The following TMEM131L variants were observed in gnomAD, a reference collection of about 807,000 sequenced individuals.
The protein encoded by TMEM131L is transmembrane 131 like, also known as transmembrane protein 131-like.
A neutral mutation model predicts 192.2 loss-of-function variants in TMEM131L; 54 were observed. The observed-to-expected ratio is 0.28, with a 90% CI of 0.23 to 0.35. The LOEUF (loss-of-function observed/expected upper bound fraction) is 0.35. Ranked by LOEUF, TMEM131L falls within the 10% of genes least tolerant of loss-of-function variation. The pLI is 1.00. For synonymous variants in TMEM131L, 701 were observed against 704.9 expected (o/e 0.99, Z 0.09); for missense variants, 1,888 against 1,972.9 (o/e 0.96, Z 0.82).
rs747565824 is a variant in TMEM131L at position 153,557,067 on chromosome 4, A to C, written c.534A>C (p.Gly178=). Residue 178 remains glycine, a synonymous_variant, in exon 6 of 35, where the codon GGA becomes GGC. Coordinates refer to ENST00000409959, the MANE Select transcript of TMEM131L (RefSeq NM_001131007.2). The stretch of plus-strand genomic sequence containing the variant: ...TATTTATTAATACCTCTTCGTATGG[A>C]GTCCTTTCCTATCATGTGAGTAACT... ...SSLFINTSSY[G]VLSYHVSGIG... 2.7e-6 allele frequency: 4 copies of C among 1,496,834 alleles called. No homozygotes were observed. In the Admixed American group the frequency reaches 6.7e-5, roughly 25 times the overall value. 92.7% of individuals were successfully genotyped at this position (1,496,834 alleles called of 1,614,324 possible). A position where few individuals can be genotyped will look rare whatever the true frequency, so the allele number is the denominator to read the frequency against.
At chr4:153,550,475 C>A (rs7659667) in intron 4 of TMEM131L, among the ~76,000 whole-genome samples, 27,915 of 151,852 alleles carry the variant, frequency 0.18, 2,690 homozygotes, top group African/African-American at 0.21. Context: ...TACAGGCACC[C>A]GCCACCACGC....
Position 153,635,541 on chromosome 4 carries a change from C to CT in TMEM131L, c.4528dup (p.Trp1510LeufsTer38). The CT allele has an allele frequency of 6.2e-7, 1 of 1,614,190 alleles. No homozygotes were observed. The highest frequency in any genetic ancestry group is 8.5e-7 in the Non-Finnish European group (1 of 1,180,026). On this transcript the variant is annotated frameshift_variant, in exon 34 of 35. Coordinates refer to ENST00000409959, the MANE Select transcript of TMEM131L (RefSeq NM_001131007.2). LOFTEE classifies it high-confidence loss of function. ...ACACCCCACCCAACATGCCTGCTGC[C>CT]TGGGGACATGCCAGTTTCATCAGCT...
chr4:153,516,697 T>G (rs1031480494), intron 3 of TMEM131L, among the ~76,000 whole-genome samples: 2 of 152,216 alleles, frequency 1.3e-5, no homozygotes, highest in Non-Finnish European at 2.9e-5. Context: ...AAAAATATTC[T>G]GTACTTGCCC....
At chr4:153,632,574 C>A in intron 31 of TMEM131L, 144 bp from the exon 32 acceptor site, 2 of 820,756 alleles carry the variant, frequency 2.4e-6, no homozygotes, top group Non-Finnish European at 3.8e-6. Flanking sequence ...AGAATTATAT[C>A]CTGAAATTAT....
At chr4:153,468,000 A>G (rs1277301939) in intron 2 of TMEM131L, among the ~76,000 whole-genome samples, 2 of 152,204 alleles carry the variant, frequency 1.3e-5, no homozygotes, top group African/African-American at 2.4e-5. Context: ...CAGTAACGGT[A>G]GTGATCCAAA....
intron 16 of TMEM131L, among the ~76,000 whole-genome samples, chr4:153,590,601 A>G (rs1232766824): frequency 1.3e-5 from 2 of 152,204 alleles, no homozygotes; most frequent in Admixed American, 6.5e-5. Flanking sequence ...GCCAGAATCA[A>G]TTGTTAGACT....
At position 153,598,612 on chromosome 4, in the gene TMEM131L, A is replaced by G. The variant is rs72729691; in HGVS notation, c.2146A>G (p.Met716Val). 9.2e-3 allele frequency: 14,789 copies of G among 1,613,786 alleles called. 102 individuals carry two copies. The highest frequency in any genetic ancestry group is 0.01 in the Non-Finnish European group (12,377 of 1,179,714). The change falls in exon 21 of 35, where the codon ATG becomes GTG. Residue 716 changes from methionine (M) to valine (V), a missense_variant. Physicochemically the swap from Met to Val is conservative, Grantham distance 21. Transcript: ENST00000409959. ...LIRNNLTVID[M>V]IGVEGFGARE... ...CAGGAATAACTTGACTGTTATTGAC[A>G]TGATTGGCGTGGAAGGATTTGGAGC...
At chr4:153,504,275 T>G (rs1366305105) in intron 3 of TMEM131L, among the ~76,000 whole-genome samples, 2 of 101,242 alleles carry the variant, frequency 2.0e-5, no homozygotes, top group African/African-American at 7.8e-5. Context: ...CCTTTTTTTT[T>G]TTTTTTTTTT....
chr4:153,621,627 C>T, intron 27 of TMEM131L, 56 bp from the exon 28 acceptor site: 1 of 1,563,344 alleles, frequency 6.4e-7, no homozygotes. Context: ...AGGAAGTCTG[C>T]ATGTGTACAT....
chr4:153,503,638 G>T (rs929508056), intron 3 of TMEM131L, among the ~76,000 whole-genome samples: 5 of 152,274 alleles, frequency 3.3e-5, no homozygotes, highest in African/African-American at 1.2e-4. Flanking sequence ...GTCATGATGT[G>T]GGTCCTACAA....
At chr4:153,544,987 G>A (rs1024523192) in intron 3 of TMEM131L, among the ~76,000 whole-genome samples, 3 of 152,100 alleles carry the variant, frequency 2.0e-5, no homozygotes, top group Admixed American at 6.6e-5. Context: ...TGTTTTGGTT[G>A]GATAACATTT....
intron 30 of TMEM131L, among the ~76,000 whole-genome samples, chr4:153,627,263 G>A (rs1022987732): frequency 1.3e-5 from 2 of 152,102 alleles, no homozygotes; most frequent in Non-Finnish European, 2.9e-5. Context: ...TGTCATCTCT[G>A]ACTAGGGAAG....
chr4:153,627,485 C>T (rs775778849), intron 30 of TMEM131L, 120 bp from the exon 31 acceptor site: 1 of 679,384 alleles, frequency 1.5e-6, no homozygotes, highest in Non-Finnish European at 2.6e-6. Context: ...GTTTCTTCCC[C>T]AAGAAACTCT....
intron 3 of TMEM131L, among the ~76,000 whole-genome samples, chr4:153,522,934 C>T (rs975159741): frequency 1.3e-5 from 2 of 152,172 alleles, no homozygotes; most frequent in Non-Finnish European, 2.9e-5. Flanking sequence ...CTAGACCAGG[C>T]AGAGGAAATC....
In TMEM131L at chr4:153,602,730, A is replaced by G. The variant is rs1203574998; in HGVS notation, c.2639+3A>G. 1 of 1,613,800 alleles carries G rather than the reference A, an allele frequency of 6.2e-7. No homozygotes were observed. The highest frequency in any genetic ancestry group is 8.5e-7 in the Non-Finnish European group (1 of 1,179,802). ...AGGCTCACGGTCTTCTTTGTCAGGT[A>G]AACCACTACTGTCTCCCTTGTTCTC... On this transcript the variant is annotated splice_donor_region_variant and intron_variant, in intron 23 of 34. Coordinates refer to ENST00000409959, the MANE Select transcript of TMEM131L (RefSeq NM_001131007.2).
intron 3 of TMEM131L, among the ~76,000 whole-genome samples, chr4:153,526,092 C>T (rs1735458171): frequency 6.6e-6 from 1 of 151,426 alleles, no homozygotes; most frequent in Non-Finnish European, 1.5e-5. Flanking sequence ...CTCTTGATCT[C>T]ATGATCCGCC....
chr4:153,526,946 C>T (rs1482188109), intron 3 of TMEM131L, among the ~76,000 whole-genome samples: 1 of 151,984 alleles, frequency 6.6e-6, no homozygotes, highest in Non-Finnish European at 1.5e-5. Context: ...GAGAGAGGGC[C>T]TGCATTTATT....
chr4:153,537,942 A>G (rs910634036), intron 3 of TMEM131L, among the ~76,000 whole-genome samples: 8 of 152,010 alleles, frequency 5.3e-5, no homozygotes, highest in Admixed American at 2.0e-4. Context: ...ACTTTCCCTG[A>G]TTTTTTCTCT....
chr4:153,602,778 A>G (rs1384167248), intron 23 of TMEM131L, 51 bp downstream of exon 23: 2 of 1,553,128 alleles, frequency 1.3e-6, no homozygotes, highest in Admixed American at 3.6e-5. Context: ...GAAGTCATCC[A>G]GGCAAGTTGT....
Sources: allele counts gnomAD v4.1 joint callset (sites outside exome capture counted in the v4.1 genomes callset), GRCh38; gene constraint gnomAD v4.1.1; transcripts MANE v1.5; gene names NCBI Gene and HGNC (gene_info 2026-07-23, HGNC 2026-07-21).